Variants in SLC6A11 observed in about 807,000 individuals in gnomAD.
SLC6A11 encodes solute carrier family 6 member 11, also known as sodium- and chloride-dependent GABA transporter 3.
Under a neutral mutation model 74.8 loss-of-function variants are expected in SLC6A11, and 25 were observed. The observed-to-expected ratio is 0.33, with a 90% confidence interval of 0.24 to 0.47. The LOEUF is 0.47. SLC6A11 is among the 20% of genes least tolerant of loss of function. The pLI is 1.00. For synonymous variants in SLC6A11, 330 were observed against 330.2 expected (o/e 1.00, Z 0.01); for missense variants, 574 against 837.0 (o/e 0.69, Z 3.88).
chr3:10,938,307 G>C lies in SLC6A11; in HGVS notation c.1804G>C (p.Val602Leu). 6.2e-7 allele frequency: 1 copy of C among 1,613,010 alleles called. No individual in the cohort carries two copies. The highest frequency in any genetic ancestry group is 8.5e-7 in the Non-Finnish European group (1 of 1,179,214). The change falls in exon 14 of 14, where the codon GTG becomes CTG. Residue 602 changes from valine to leucine, a missense_variant. Transcript: ENST00000254488. The stretch of plus-strand genomic sequence containing the variant: ...TCTGAAAATGCGGGGCAAGCTTGGG[G>C]TGAGCCCACGGATGGTGACAGTTAA... ...TDLKMRGKLGVSPRMVTVNDC... is the reference protein window; with the variant it reads ...TDLKMRGKLGLSPRMVTVNDC...
chr3:10,816,863 C>A lies in SLC6A11; in HGVS notation c.256+342C>A, dbSNP rs1012603835. Among the ~76,000 whole-genome samples, 3 of 152,240 alleles carry A rather than the reference C, an allele frequency of 2.0e-5. No homozygotes were observed. Among genetic ancestry groups the A allele is most frequent in the African/African-American group, 7.2e-5 (3 of 41,472 alleles). ...CTTGGCCCCTTGGAGCCTCAGCTTTCCTAACTGGGAAAACGGCCTGTGGGG... is the reference window on the plus strand; with the variant it reads ...CTTGGCCCCTTGGAGCCTCAGCTTTACTAACTGGGAAAACGGCCTGTGGGG... On this transcript the variant is annotated intron_variant, in intron 1 of 13. Transcript: ENST00000254488. The surrounding 1 kb of genome is among the most constrained non-coding windows in gnomAD (Gnocchi z 4.2).
intron 6 of SLC6A11, among the ~76,000 whole-genome samples, chr3:10,902,341 C>T (rs1695250889): frequency 1.3e-5 from 2 of 152,194 alleles, no homozygotes; most frequent in Admixed American, 1.3e-4. Context: ...AGCTGGTAGC[C>T]CTAAGAGGCA....
chr3:10,833,591 C>T lies in SLC6A11; in HGVS notation c.623+10199C>T, dbSNP rs113814710. On this transcript the variant is annotated intron_variant, in intron 4 of 13. Coordinates refer to ENST00000254488, the MANE Select transcript of SLC6A11 (RefSeq NM_014229.3). ...GAAATGCTATTTAAAAGTGCCGTGC[C>T]GTGGTGTGGTGTGGGGACCTAGAGA... Among the ~76,000 whole-genome samples, 12 of 152,182 alleles carry T rather than the reference C, an allele frequency of 7.9e-5. 2 individuals carry two copies. The highest frequency in any genetic ancestry group is 2.2e-4 in the African/African-American group (9 of 41,528).
At chr3:10,876,417 G>A (rs762714857) in intron 6 of SLC6A11, among the ~76,000 whole-genome samples, 18 of 152,110 alleles carry the variant, frequency 1.2e-4, no homozygotes, top group Non-Finnish European at 1.9e-4. Flanking sequence ...ACCACTGATC[G>A]GTGTGTTTTT....
intron 8 of SLC6A11, among the ~76,000 whole-genome samples, chr3:10,920,821 T>C (rs1253989726): frequency 6.6e-6 from 1 of 152,202 alleles, no homozygotes; most frequent in African/African-American, 2.4e-5. Flanking sequence ...CTGCCTTGCT[T>C]TTTTGTGTTG....
chr3:10,911,967 A>G, intron 6 of SLC6A11, 123 bp from the exon 7 acceptor site: 1 of 719,086 alleles, frequency 1.4e-6, no homozygotes, highest in Non-Finnish European at 2.5e-6. Flanking sequence ...TAGGAAGTTT[A>G]ATTATCCCTT....
chr3:10,849,885 A>G (rs1694552381), intron 5 of SLC6A11, among the ~76,000 whole-genome samples: 1 of 151,216 alleles, frequency 6.6e-6, no homozygotes, highest in African/African-American at 2.4e-5. Flanking sequence ...GCCTTAATCC[A>G]ATCCAGGGAT....
intron 6 of SLC6A11, among the ~76,000 whole-genome samples, chr3:10,877,094 C>T (rs921810426): frequency 2.6e-5 from 4 of 152,344 alleles, no homozygotes; most frequent in South Asian, 2.1e-4. Context: ...CTTCAGGTCA[C>T]ATCCAGCCCT....
rs1694905751 is a variant in SLC6A11 at position 10,876,212 on chromosome 3, AT to A, written c.891+1122del. 2.0e-5 allele frequency among the ~76,000 whole-genome samples: 3 copies of A among 152,160 alleles called. No homozygotes were observed. In the South Asian group the frequency reaches 6.3e-4, roughly 32 times the overall value. ...GGTGGGCAGAGTGGGAAGTTAGCTC[AT>A]TTTTGTCTCAGTTTGCCATGCCTTG... On this transcript the variant is annotated intron_variant, in intron 6 of 13. Transcript: ENST00000254488.
chr3:10,887,435 C>G (rs1019415506), intron 6 of SLC6A11, among the ~76,000 whole-genome samples: 2 of 152,076 alleles, frequency 1.3e-5, no homozygotes, highest in Non-Finnish European at 2.9e-5. Context: ...CTTTATGAAA[C>G]ACACAGTCTT....
At position 10,873,385 on chromosome 3, in the gene SLC6A11, G is replaced by GC. The variant is rs1694850882; in HGVS notation, c.757-1576_757-1575insC. On this transcript the variant is annotated intron_variant, in intron 5 of 13. Coordinates refer to ENST00000254488, the MANE Select transcript of SLC6A11 (RefSeq NM_014229.3). ...CTCCCCTATGCTCACCTTCATTATT[G>GC]TATCCTATCCTATGCTATCCTATCC... is the stretch of plus-strand genomic sequence containing the variant. Among the ~76,000 whole-genome samples the GC allele has an allele frequency of 8.4e-5, 10 of 118,818 alleles. 1 individual carries two copies. The highest frequency in any genetic ancestry group is 6.6e-4 in the South Asian group (2 of 3,032). The allele number at this position is 118,818 out of a possible 152,430, so 77.9% of individuals were successfully genotyped here.
intron 6 of SLC6A11, among the ~76,000 whole-genome samples, chr3:10,908,423 T>C (rs1209348617): frequency 1.3e-5 from 2 of 152,166 alleles, no homozygotes; most frequent in East Asian, 1.9e-4. Flanking sequence ...GCTGGTTTAA[T>C]GGTGAACATC....
chr3:10,909,876 C>T (rs904525779), intron 6 of SLC6A11, among the ~76,000 whole-genome samples: 1 of 152,226 alleles, frequency 6.6e-6, no homozygotes, highest in African/African-American at 2.4e-5. Flanking sequence ...TTTTTCTCCA[C>T]TGGACCTTTC....
rs748854653 is a variant in SLC6A11 at position 10,846,475 on chromosome 3, C to T, written c.756+2129C>T. 1.5e-3 allele frequency among the ~76,000 whole-genome samples: 222 copies of T among 152,220 alleles called. 1 individual carries two copies. Among genetic ancestry groups the T allele is most frequent in the Admixed American group, 5.2e-4 (8 of 15,294 alleles). ...GTGTATGGACATGCTTAGGCTATTC[C>T]GGGACCTCATATGGCCTTGAGCTGC... On this transcript the variant is annotated intron_variant, in intron 5 of 13. Coordinates refer to ENST00000254488, the MANE Select transcript of SLC6A11 (RefSeq NM_014229.3).
At chr3:10,867,062 C>G (rs1647535489) in intron 5 of SLC6A11, among the ~76,000 whole-genome samples, 1 of 152,110 alleles carries the variant, frequency 6.6e-6, no homozygotes, top group South Asian at 2.1e-4. Flanking sequence ...TGTTCAGTGC[C>G]ATGCTTTCTG....
Position 10,875,030 on chromosome 3 carries a change from C to T in SLC6A11, c.826C>T (p.Pro276Ser). The T allele has an allele frequency of 6.2e-7, 1 of 1,613,748 alleles. No individual in the cohort carries two copies. Among genetic ancestry groups the T allele is most frequent in the Non-Finnish European group, 8.5e-7 (1 of 1,179,824 alleles). ...CCTCCTGATACGAGGGGTCACGTTG[C>T]CCGGGGCCTCAGAGGGCATCAAGTT... ...LILLIRGVTL[P>S]GASEGIKFYL... The change falls in exon 6 of 14, where the codon CCC (proline) becomes TCC (serine). Residue 276 changes from proline (P) to serine (S), a missense_variant. Pro to Ser is a moderately conservative substitution (Grantham distance 74, BLOSUM62 -1). Around this residue, in one of 4 missense-constraint regions of SLC6A11, gnomAD observed 215 missense variants for 357.9 expected, o/e 0.60. Coordinates refer to ENST00000254488, the MANE Select transcript of SLC6A11 (RefSeq NM_014229.3).
In SLC6A11 at chr3:10,900,799, G is replaced by A. The variant is rs2106620228; in HGVS notation, c.892-11291G>A. ...GGAAGCTGAAGTCTGGCTTGGTCTG[G>A]GAGCCCCTAGCCCAGTGCTGCCCAT... On this transcript the variant is annotated intron_variant, in intron 6 of 13. Coordinates refer to ENST00000254488, the MANE Select transcript of SLC6A11 (RefSeq NM_014229.3). Among the ~76,000 whole-genome samples the A allele has an allele frequency of 2.0e-5, 3 of 152,264 alleles. No individual in the cohort carries two copies. In the Middle Eastern group the frequency reaches 0.01, roughly 518 times the overall value.
At chr3:10,839,903 C>A (rs1694415639) in intron 4 of SLC6A11, among the ~76,000 whole-genome samples, 1 of 152,206 alleles carries the variant, frequency 6.6e-6, no homozygotes, top group Admixed American at 6.5e-5. Flanking sequence ...CCTGGCTCTT[C>A]CTGCTGCTGG....
At chr3:10,901,532 C>T (rs1034314787) in intron 6 of SLC6A11, among the ~76,000 whole-genome samples, 3 of 152,212 alleles carry the variant, frequency 2.0e-5, no homozygotes, top group Admixed American at 6.5e-5. Context: ...GGCACCAGAG[C>T]GAGAGGCTGC....
Sources: gnomAD v4.1 joint callset for allele counts (sites outside exome capture counted in the v4.1 genomes callset) on GRCh38, gnomAD v4.1.1 for gene constraint, gnomAD v4.1.1 regional missense constraint, Gnocchi (gnomAD v3.1) non-coding constraint, MANE v1.5 for transcripts, NCBI Gene and HGNC (gene_info 2026-07-23, HGNC 2026-07-21) for gene names.